The following GALNTL6 variants were observed in gnomAD, a reference collection of about 807,000 sequenced individuals.
GALNTL6 encodes the protein polypeptide N-acetylgalactosaminyltransferase-like 6.
Under a neutral mutation model 73.7 loss-of-function variants are expected in GALNTL6, and 46 were observed. The observed-to-expected ratio is 0.62, with a 90% CI of 0.49 to 0.80. The LOEUF (loss-of-function observed/expected upper bound fraction) is 0.80, where lower values mean the gene tolerates loss of function less well. GALNTL6 is among the 30% of genes least tolerant of loss of function. The pLI is 0.00. For missense variants in GALNTL6, 604 were observed against 755.0 expected (o/e 0.80, Z 2.34); for synonymous variants, 259 against 263.7 (o/e 0.98, Z 0.17).
chr4:172,015,899 G>A (rs1741176310), intron 2 of GALNTL6, among the ~76,000 whole-genome samples: 1 of 137,666 alleles, frequency 7.3e-6, no homozygotes, highest in Non-Finnish European at 1.5e-5. Flanking sequence ...TACCTGCTGA[G>A]AAATCAGCTG....
intron 2 of GALNTL6, among the ~76,000 whole-genome samples, chr4:172,138,804 C>T (rs1267466439): frequency 6.6e-6 from 1 of 151,510 alleles, no homozygotes; most frequent in Non-Finnish European, 1.5e-5. Flanking sequence ...GCTGGGATTA[C>T]AGGCTAAATA....
chr4:172,982,570 T>G (rs1751114571), intron 10 of GALNTL6, among the ~76,000 whole-genome samples: 1 of 152,208 alleles, frequency 6.6e-6, no homozygotes, highest in Non-Finnish European at 1.5e-5. Flanking sequence ...AGTGTGGGGC[T>G]TTCACAAGCT....
chr4:171,922,156 T>A (rs115572395), intron 2 of GALNTL6, among the ~76,000 whole-genome samples: 1,599 of 152,116 alleles, frequency 0.011, 24 homozygotes, highest in African/African-American at 0.037. Flanking sequence ...ACACTGGTTT[T>A]TCTTTTGTTT....
At chr4:172,744,032 A>G (rs1458215729) in intron 5 of GALNTL6, among the ~76,000 whole-genome samples, 2 of 152,094 alleles carry the variant, frequency 1.3e-5, no homozygotes, top group Non-Finnish European at 2.9e-5. Flanking sequence ...GGGAAACTCC[A>G]AGAGTTCTAC....
chr4:172,741,327 C>G (rs567692745), intron 5 of GALNTL6, among the ~76,000 whole-genome samples: 1 of 152,168 alleles, frequency 6.6e-6, no homozygotes, highest in Non-Finnish European at 1.5e-5. Flanking sequence ...GCTGTTGGGG[C>G]ATTGTCATTG....
intron 5 of GALNTL6, among the ~76,000 whole-genome samples, chr4:172,451,181 C>A (rs1176420803): frequency 6.6e-6 from 1 of 152,178 alleles, no homozygotes; most frequent in East Asian, 1.9e-4. Flanking sequence ...TTAGCCAACA[C>A]TGTATGTTCC....
intron 2 of GALNTL6, among the ~76,000 whole-genome samples, chr4:172,081,643 A>T (rs1468033902): frequency 6.6e-6 from 1 of 152,170 alleles, no homozygotes; most frequent in Non-Finnish European, 1.5e-5. Context: ...TTTCAAAAAT[A>T]ATAACAAATT....
At chr4:171,968,468 G>A (rs1267989265) in intron 2 of GALNTL6, among the ~76,000 whole-genome samples, 1 of 152,098 alleles carries the variant, frequency 6.6e-6, no homozygotes, top group African/African-American at 2.4e-5. Context: ...CTCTATGTTT[G>A]TGTCCTTTCT....
chr4:172,771,437 A>G (rs1185333370), intron 5 of GALNTL6, among the ~76,000 whole-genome samples: 1 of 152,170 alleles, frequency 6.6e-6, no homozygotes, highest in Non-Finnish European at 1.5e-5. Flanking sequence ...TCCTGAGTCC[A>G]CCTCATAGAT....
chr4:172,034,511 A>G (rs1741877014), intron 2 of GALNTL6, among the ~76,000 whole-genome samples: 2 of 151,872 alleles, frequency 1.3e-5, no homozygotes, highest in South Asian at 2.1e-4. Flanking sequence ...TTCAGCATAT[A>G]TACTGTGGTT....
intron 2 of GALNTL6, among the ~76,000 whole-genome samples, chr4:172,079,881 T>C (rs1170748914): frequency 6.6e-6 from 1 of 152,118 alleles, no homozygotes; most frequent in African/African-American, 2.4e-5. Context: ...AAAAAAAATT[T>C]GATTGATACT....
chr4:172,829,333 A>C (rs989097741), intron 7 of GALNTL6, among the ~76,000 whole-genome samples: 4 of 152,220 alleles, frequency 2.6e-5, no homozygotes, highest in Non-Finnish European at 5.9e-5. Context: ...GATGAAGGAA[A>C]GAGTTTGGAG....
intron 10 of GALNTL6, among the ~76,000 whole-genome samples, chr4:172,953,527 C>T (rs1033105410): frequency 3.3e-5 from 5 of 152,194 alleles, no homozygotes; most frequent in Admixed American, 6.5e-5. Context: ...GGCTGCAGAG[C>T]TCTGAGAAAA....
At chr4:172,288,120 TC>T (rs1161991892) in intron 3 of GALNTL6, among the ~76,000 whole-genome samples, 1 of 151,768 alleles carries the variant, frequency 6.6e-6, no homozygotes, top group Non-Finnish European at 1.5e-5. Context: ...AGATGGGTTT[TC>T]ACTCTCTCTC....
At chr4:172,856,114 T>A (rs1744109940) in intron 7 of GALNTL6, among the ~76,000 whole-genome samples, 1 of 152,242 alleles carries the variant, frequency 6.6e-6, no homozygotes, top group Non-Finnish European at 1.5e-5. Context: ...ATTGTTATCC[T>A]CAATGATTTT....
chr4:171,846,362 T>A (rs1735367642), intron 2 of GALNTL6, among the ~76,000 whole-genome samples: 1 of 152,168 alleles, frequency 6.6e-6, no homozygotes, highest in Non-Finnish European at 1.5e-5. Context: ...GAACTATTTC[T>A]TATCTTCTCC....
chr4:171,968,614 G>A (rs1739459076), intron 2 of GALNTL6, among the ~76,000 whole-genome samples: 1 of 152,118 alleles, frequency 6.6e-6, no homozygotes, highest in African/African-American at 2.4e-5. Flanking sequence ...AGGACGACAT[G>A]AATTTTGAGA....
chr4:172,430,805 A>AACC lies in GALNTL6; in HGVS notation c.553+82128_553+82130dup, dbSNP rs550750145. On this transcript the variant is annotated intron_variant, in intron 5 of 12. Transcript: ENST00000506823. ...GGGTGACAGTGAAACCCTATCTCTA[A>AACC]ACCACCACCACCACAACAACAGTAG... is the stretch of plus-strand genomic sequence containing the variant. 1.3e-4 allele frequency among the ~76,000 whole-genome samples: 20 copies of AACC among 152,142 alleles called. No homozygotes were observed. The South Asian group carries it at 3.9e-3, about 30-fold the overall frequency.
chr4:172,256,638 T>G (rs2111026808), intron 3 of GALNTL6, among the ~76,000 whole-genome samples: 1 of 151,512 alleles, frequency 6.6e-6, no homozygotes, highest in South Asian at 2.1e-4. Flanking sequence ...TTTCCCAATT[T>G]TTGTCTTTCC....
Sources: allele counts gnomAD v4.1 joint callset (sites outside exome capture counted in the v4.1 genomes callset), GRCh38; gene constraint gnomAD v4.1.1; transcripts MANE v1.5; gene names NCBI Gene and HGNC (gene_info 2026-07-23, HGNC 2026-07-21).